Variants in RBM33 observed in about 807,000 individuals in gnomAD.
RBM33 encodes the protein RNA-binding protein 33.
A neutral mutation model predicts 132.6 loss-of-function variants in RBM33; 28 were observed. That is an observed-to-expected ratio of 0.21 (90% CI 0.16 to 0.29). The LOEUF (loss-of-function observed/expected upper bound fraction) is 0.29. RBM33 is among the 10% of genes least tolerant of loss of function. RBM33 has a pLI of 1.00. For synonymous variants in RBM33, 634 were observed against 593.0 expected (o/e 1.07, Z -1.01); for missense variants, 1,291 against 1,518.5 (o/e 0.85, Z 2.49).
At chr7:155,692,750 C>T (rs758126495) in intron 5 of RBM33, among the ~76,000 whole-genome samples, 20 of 152,222 alleles carry the variant, frequency 1.3e-4, no homozygotes, top group Non-Finnish European at 2.9e-4. Flanking sequence ...TTATACTCTT[C>T]ACTGTTCTTG....
chr7:155,739,562 G>A (rs1585511794), intron 11 of RBM33, 153 bp from the exon 12 acceptor site: 2 of 750,108 alleles, frequency 2.7e-6, no homozygotes, highest in Non-Finnish European at 4.2e-6. Context: ...CTGCATTTTA[G>A]ATAGTATTAC....
In RBM33 at chr7:155,738,379, C is replaced by A. The variant is rs1801200672; in HGVS notation, c.1713C>A (p.Pro571=). Residue 571 remains proline (P), a synonymous_variant, in exon 11 of 18, where the codon CCC becomes CCA. Transcript: ENST00000401878. ...CAGGCCCAGGACAGCCGTTTCTGCC[C>A]ACACACACACAGCCCAACCTGCAGG... is the stretch of plus-strand genomic sequence containing the variant. ...FLPGPGQPFL[P]THTQPNLQGP... 1 of 1,607,142 alleles carries A rather than the reference C, an allele frequency of 6.2e-7. No homozygotes were observed. The highest frequency in any genetic ancestry group is 2.2e-5 in the East Asian group (1 of 44,824).
intron 9 of RBM33, among the ~76,000 whole-genome samples, chr7:155,727,837 C>T (rs1025075138): frequency 1.7e-4 from 26 of 152,246 alleles, no homozygotes; most frequent in African/African-American, 6.3e-4. Flanking sequence ...GTGATCGCAG[C>T]TCGCTGCAGG....
intron 5 of RBM33, among the ~76,000 whole-genome samples, chr7:155,681,823 A>T (rs1799345359): frequency 6.6e-6 from 1 of 152,288 alleles, no homozygotes; most frequent in Non-Finnish European, 1.5e-5. Flanking sequence ...AAGTTGCTGA[A>T]TTGTGGTCAT....
At position 155,763,836 on chromosome 7, in the gene RBM33, C is replaced by G. The variant is rs1222108107; in HGVS notation, c.3004C>G (p.His1002Asp). The G allele has an allele frequency of 1.2e-6, 2 of 1,611,606 alleles. No homozygotes were observed. The highest frequency in any genetic ancestry group is 3.4e-5 in the Admixed American group (2 of 59,694). Reference sequence around the variant, plus strand: ...GGGAGGAGAGAGCGATGGCTTTTTTCACCCAGAAGGCCAGCCCCAGCGGCT... The same window carrying G: ...GGGAGGAGAGAGCGATGGCTTTTTTGACCCAGAAGGCCAGCCCCAGCGGCT... Reference protein sequence around the residue: ...GGGGESDGFFHPEGQPQRLPQ... With the variant: ...GGGGESDGFFDPEGQPQRLPQ... The change falls in exon 15 of 18, where the codon CAC becomes GAC. Residue 1002 changes from histidine (H) to aspartate (D), a missense_variant. Physicochemically the swap from His to Asp is moderately conservative, Grantham distance 81. Transcript: ENST00000401878.
rs201217748 is a variant in RBM33, at chr7:155,673,525, T to C, written c.171+610T>C. ...ATATACATACACACGTGTATATATA[T>C]ACACACATATATACATACACACGTG... is the stretch of plus-strand genomic sequence containing the variant. On this transcript the variant is annotated intron_variant, in intron 3 of 17. Transcript: ENST00000401878. Among the ~76,000 whole-genome samples, 70 of 137,918 alleles carry C rather than the reference T, an allele frequency of 5.1e-4. 6 individuals are homozygous for C. In the East Asian group the frequency reaches 0.012, roughly 23 times the overall value. The allele number at this position is 137,918 out of a possible 152,430, so 90.5% of individuals were successfully genotyped here. A position where few individuals can be genotyped will look rare whatever the true frequency, so the allele number is the denominator to read the frequency against.
chr7:155,778,945 T>C lies in RBM33; in HGVS notation c.*3904T>C, dbSNP rs904803678. 3 of 152,820 alleles carry C rather than the reference T, an allele frequency of 2.0e-5. No individual in the cohort carries two copies. Among genetic ancestry groups the C allele is most frequent in the African/African-American group, 7.3e-5 (3 of 41,346 alleles). The allele number at this position is 152,820 out of a possible 1,614,324, so 9.5% of individuals were successfully genotyped here. On this transcript the variant is annotated 3_prime_UTR_variant, in exon 18 of 18. Transcript: ENST00000401878. This position sits in a 1 kb window ranked among gnomAD's most constrained non-coding sequence, Gnocchi z 4.0. ...GCACATCGTGGAGTCCTAGAAACTC[T>C]CTAGTCCCTGCGGCTGTTCCCCTCC...
rs1432031517 is a variant in RBM33, at chr7:155,780,618, C to T, written c.*5577C>T. 1 of 152,614 alleles carries T rather than the reference C, an allele frequency of 6.6e-6. No individual in the cohort carries two copies. Among genetic ancestry groups the T allele is most frequent in the East Asian group, 1.9e-4 (1 of 5,204 alleles). 9.5% of individuals were successfully genotyped at this position (152,614 alleles called of 1,614,324 possible). ...CTCCTGTCCCATTCCAAGACTCACT[C>T]TCTCAGACCTTCCCATCTCCCTGGC... On this transcript the variant is annotated 3_prime_UTR_variant, in exon 18 of 18. Coordinates refer to ENST00000401878, the MANE Select transcript of RBM33 (RefSeq NM_053043.3).
At chr7:155,655,472 G>A (rs1439947230) in intron 1 of RBM33, among the ~76,000 whole-genome samples, 1 of 149,514 alleles carries the variant, frequency 6.7e-6, no homozygotes, top group African/African-American at 2.5e-5. Context: ...GGGAGTCCCC[G>A]AGACTATGTC....
chr7:155,700,305 C>G (rs1427177909), intron 5 of RBM33, among the ~76,000 whole-genome samples: 1 of 152,130 alleles, frequency 6.6e-6, no homozygotes, highest in South Asian at 2.1e-4. Context: ...ATTTGGACTG[C>G]TTGTCTGGCA....
At chr7:155,719,292 G>T (rs974245323) in intron 9 of RBM33, among the ~76,000 whole-genome samples, 2 of 152,066 alleles carry the variant, frequency 1.3e-5, no homozygotes, top group African/African-American at 4.8e-5. Context: ...TTTTCAGGGA[G>T]TATCTAAATG....
intron 1 of RBM33, among the ~76,000 whole-genome samples, chr7:155,648,850 C>T (rs892458760): frequency 1.3e-5 from 2 of 152,134 alleles, no homozygotes; most frequent in African/African-American, 4.8e-5. Flanking sequence ...TGGCTTCCAT[C>T]GTTTCTGATG....
At chr7:155,645,625 A>G (rs1269633242) in intron 1 of RBM33, among the ~76,000 whole-genome samples, 1 of 152,218 alleles carries the variant, frequency 6.6e-6, no homozygotes, top group Non-Finnish European at 1.5e-5. Context: ...ATCTCTAAAA[A>G]ATTGTAGGTA....
intron 6 of RBM33, among the ~76,000 whole-genome samples, chr7:155,703,815 A>T (rs1387650617): frequency 1.3e-5 from 2 of 152,360 alleles, no homozygotes; most frequent in East Asian, 3.9e-4. Flanking sequence ...CTAGAGATCA[A>T]AATAAAAAAA....
At chr7:155,673,455 C>A (rs1388169810) in intron 3 of RBM33, among the ~76,000 whole-genome samples, 1 of 138,882 alleles carries the variant, frequency 7.2e-6, no homozygotes, top group Non-Finnish European at 1.6e-5. Context: ...TGTATATATA[C>A]CCACATATAT....
At chr7:155,742,474 A>C (rs966649729) in intron 13 of RBM33, among the ~76,000 whole-genome samples, 4 of 152,196 alleles carry the variant, frequency 2.6e-5, no homozygotes, top group African/African-American at 9.7e-5. Context: ...ATTTAAATAT[A>C]GTTCTTCCAT....
chr7:155,705,961 A>G (rs148359280), intron 6 of RBM33, among the ~76,000 whole-genome samples: 1 of 152,372 alleles, frequency 6.6e-6, no homozygotes, highest in Non-Finnish European at 1.5e-5. Context: ...AAGAAAATAA[A>G]TACAAAAAAT....
Position 155,680,778 on chromosome 7 carries a change from G to T in RBM33, c.437G>T (p.Gly146Val), listed in dbSNP as rs941393665. The change falls in exon 5 of 18, where the codon GGA (glycine) becomes GTA (valine). Residue 146 changes from glycine (G) to valine (V), a missense_variant. Physicochemically the swap from Gly to Val is moderately radical, Grantham distance 109. Around this residue, in one of 7 missense-constraint regions of RBM33, gnomAD observed 194 missense variants for 249.8 expected, o/e 0.78. Coordinates refer to ENST00000401878, the MANE Select transcript of RBM33 (RefSeq NM_053043.3). ...ELYTQEYPEE[G>V]QYEGHEAELT... ...TATACTCAAGAGTACCCAGAAGAAG[G>T]ACAGTATGAAGGCCACGAAGCTGAG... The T allele has an allele frequency of 6.2e-6, 10 of 1,613,656 alleles. No individual in the cohort carries two copies. The highest frequency in any genetic ancestry group is 1.6e-4 in the Middle Eastern group (1 of 6,084).
chr7:155,662,294 T>A (rs1798673781), intron 1 of RBM33, among the ~76,000 whole-genome samples: 1 of 152,218 alleles, frequency 6.6e-6, no homozygotes, highest in Non-Finnish European at 1.5e-5. Flanking sequence ...AGATTTGTTC[T>A]GACCCAAGCA....
Sources: allele counts gnomAD v4.1 joint callset (sites outside exome capture counted in the v4.1 genomes callset), GRCh38; gene constraint gnomAD v4.1.1; regional missense constraint gnomAD v4.1.1; non-coding constraint Gnocchi (gnomAD v3.1); transcripts MANE v1.5; gene names NCBI Gene and HGNC (gene_info 2026-07-23, HGNC 2026-07-21).